Variants in FGFR2 observed in about 807,000 individuals in gnomAD.
The protein encoded by FGFR2 is BEK fibroblast growth factor receptor.
A neutral mutation model predicts 95.9 loss-of-function variants in FGFR2; 19 were observed. The observed-to-expected ratio is 0.20, with a 90% CI of 0.14 to 0.29. The LOEUF (loss-of-function observed/expected upper bound fraction) is 0.29. FGFR2 is among the 10% of genes least tolerant of loss of function. FGFR2 has a pLI of 1.00. For synonymous variants in FGFR2, 392 were observed against 393.3 expected (o/e 1.00, Z 0.04); for missense variants, 707 against 1,056.9 (o/e 0.67, Z 4.59).
In FGFR2 at chr10:121,496,524, A is replaced by G; in HGVS notation, c.1863+8T>C. On this transcript the variant is annotated splice_region_variant and intron_variant, in intron 13 of 17. Coordinates refer to ENST00000358487, the MANE Select transcript of FGFR2 (RefSeq NM_000141.5). ...TCCACCCAGCCAAGTAGAATGTGAA[A>G]GACTCACTTTTTGGGAAGCCAAGTA... 6.2e-7 allele frequency: 1 copy of G among 1,614,102 alleles called. No individual in the cohort carries two copies. Among genetic ancestry groups the G allele is most frequent in the Non-Finnish European group, 8.5e-7 (1 of 1,179,938 alleles).
chr10:121,565,842 C>T (rs1317541511), intron 2 of FGFR2, 138 bp from the exon 3 acceptor site: 23 of 963,638 alleles, frequency 2.4e-5, no homozygotes, highest in South Asian at 4.3e-5. Flanking sequence ...AGCAGGCATC[C>T]ACCTCTCCCC....
Position 121,485,502 on chromosome 10 carries a change from G to T in FGFR2, c.2088C>A (p.Ile696=). The change falls in exon 16 of 18, where the codon ATC becomes ATA. Residue 696 remains isoleucine (I), a synonymous_variant. Transcript: ENST00000358487. This position sits in a 1 kb window ranked among gnomAD's most constrained non-coding sequence, Gnocchi z 4.2. ...VWSFGVLMWE[I]FTLGGSPYPG... ...GGTAGGGCGAGCCCCCTAAAGTGAAGATCTCCCACATTAACACCCCGAAGG... is the reference window on the plus strand; with the variant it reads ...GGTAGGGCGAGCCCCCTAAAGTGAATATCTCCCACATTAACACCCCGAAGG... 6.2e-7 allele frequency: 1 copy of T among 1,613,998 alleles called. No homozygotes were observed. The highest frequency in any genetic ancestry group is 8.5e-7 in the Non-Finnish European group (1 of 1,180,020).
In FGFR2 at chr10:121,515,154, T is replaced by C. The variant is rs1355130739; in HGVS notation, c.1250A>G (p.Lys417Arg). 2 of 1,614,226 alleles carry C rather than the reference T, an allele frequency of 1.2e-6. No homozygotes were observed. Among genetic ancestry groups the C allele is most frequent in the Non-Finnish European group, 1.7e-6 (2 of 1,180,038 alleles). Residue 417 changes from lysine (K) to arginine (R), a missense_variant, in exon 9 of 18, where the codon AAG becomes AGG. Around this residue, in one of 7 missense-constraint regions of FGFR2, gnomAD observed 194 missense variants for 267.3 expected, o/e 0.73. Transcript: ENST00000358487. ...CCGCAGGGGGATACGTTTGGTCAGC[T>C]TGTGCACAGCCGGCTGGCTGCTGAA... Reference protein sequence around the residue: ...PDFSSQPAVHKLTKRIPLRRQ... With the variant: ...PDFSSQPAVHRLTKRIPLRRQ...
intron 17 of FGFR2, 100 bp downstream of exon 17, chr10:121,483,598 A>C: frequency 1.2e-6 from 1 of 830,540 alleles, no homozygotes; most frequent in African/African-American, 1.7e-5. Flanking sequence ...ACAAGACCAC[A>C]GACTCCAACC....
intron 13 of FGFR2, among the ~76,000 whole-genome samples, chr10:121,491,961 T>C (rs902410430): frequency 1.3e-5 from 2 of 151,326 alleles, no homozygotes; most frequent in Non-Finnish European, 1.5e-5. Flanking sequence ...GGCAGATCAC[T>C]TGAGGTCAGG....
At chr10:121,554,378 G>A (rs1276201621) in intron 4 of FGFR2, among the ~76,000 whole-genome samples, 2 of 146,086 alleles carry the variant, frequency 1.4e-5, no homozygotes, top group African/African-American at 5.1e-5. Context: ...TTGCTCTGTT[G>A]CCCAGGCTGG....
intron 15 of FGFR2, 70 bp downstream of exon 15, chr10:121,487,284 A>C: frequency 8.1e-7 from 1 of 1,237,690 alleles, no homozygotes; most frequent in Non-Finnish European, 1.2e-6. Context: ...AGAAGGAAGA[A>C]AGGTGAAGTA....
At chr10:121,565,901 C>T (rs1857607524) in intron 2 of FGFR2, 197 bp from the exon 3 acceptor site, 1 of 636,724 alleles carries the variant, frequency 1.6e-6, no homozygotes, top group Non-Finnish European at 2.8e-6. Context: ...AGAGGATACC[C>T]CCAGAAAATC....
intron 5 of FGFR2, among the ~76,000 whole-genome samples, chr10:121,545,745 A>T (rs1854405703): frequency 6.6e-6 from 1 of 152,226 alleles, no homozygotes; most frequent in South Asian, 2.1e-4. Flanking sequence ...TAAGTAACTA[A>T]CCTAGAAAAT....
intron 2 of FGFR2, among the ~76,000 whole-genome samples, chr10:121,587,147 G>A (rs906164713): frequency 1.3e-5 from 2 of 152,142 alleles, no homozygotes; most frequent in Non-Finnish European, 2.9e-5. Flanking sequence ...ATGAAAACAA[G>A]CAATGGGGAA....
At chr10:121,501,440 AT>A in intron 10 of FGFR2, among the ~76,000 whole-genome samples, 1 of 152,234 alleles carries the variant, frequency 6.6e-6, no homozygotes, top group East Asian at 1.9e-4. Flanking sequence ...GGAATCTCTA[AT>A]TTTTTACTAA....
chr10:121,534,091 CTTTTTTTTTTTTTT>C (rs1022674124), intron 6 of FGFR2, among the ~76,000 whole-genome samples: 2 of 92,118 alleles, frequency 2.2e-5, no homozygotes, highest in African/African-American at 4.7e-5. Context: ...CCCAAAATGG[CTTTTTTTTTTTTTT>C]TTTTTTTTTT....
Position 121,496,550 on chromosome 10 carries a change from C to A in FGFR2, c.1845G>T (p.Glu615Asp). 6.2e-7 allele frequency: 1 copy of A among 1,614,162 alleles called. No individual in the cohort carries two copies. The highest frequency in any genetic ancestry group is 8.5e-7 in the Non-Finnish European group (1 of 1,180,032). ...GACTCACTTTTTGGGAAGCCAAGTA[C>A]TCCATGCCTCTGGCCAGCTGGTAGG... ...SCTYQLARGM[E>D]YLASQKCIHR... The change falls in exon 13 of 18, where the codon GAG becomes GAT. Residue 615 changes from glutamate (E) to aspartate (D), a missense_variant. Around this residue, in one of 7 missense-constraint regions of FGFR2, gnomAD observed 104 missense variants for 214.2 expected, o/e 0.49. Transcript: ENST00000358487.
At chr10:121,590,979 G>A (rs984185896) in intron 2 of FGFR2, among the ~76,000 whole-genome samples, 3 of 151,178 alleles carry the variant, frequency 2.0e-5, no homozygotes, top group Non-Finnish European at 4.4e-5. Context: ...ACGCACGCAC[G>A]CGCACTCGCG....
At position 121,498,623 on chromosome 10, in the gene FGFR2, A is replaced by T. The variant is rs1165947218; in HGVS notation, c.1562-18T>A. On this transcript the variant is annotated intron_variant, in intron 11 of 17. Transcript: ENST00000358487. ...GGCATCATCTATGAACAGTAGGCAT[A>T]TTCACAAATCAGTTCATTTCCTCTA... 6.2e-7 allele frequency: 1 copy of T among 1,609,180 alleles called. No individual in the cohort carries two copies. Among genetic ancestry groups the T allele is most frequent in the Non-Finnish European group, 8.5e-7 (1 of 1,175,476 alleles).
At chr10:121,573,275 A>G (rs1370364710) in intron 2 of FGFR2, among the ~76,000 whole-genome samples, 2 of 152,228 alleles carry the variant, frequency 1.3e-5, no homozygotes, top group East Asian at 1.9e-4. Context: ...GTTAAGGAAG[A>G]AAAAAGCAGT....
At chr10:121,547,507 A>G (rs778735755) in intron 5 of FGFR2, among the ~76,000 whole-genome samples, 3 of 149,124 alleles carry the variant, frequency 2.0e-5, no homozygotes, top group Non-Finnish European at 4.4e-5. Flanking sequence ...CGATCCTCCC[A>G]CCTCAGCTGC....
Position 121,568,317 on chromosome 10 carries a change from T to C in FGFR2, c.110-2613A>G, listed in dbSNP as rs116726276. On this transcript the variant is annotated intron_variant, in intron 2 of 17. Transcript: ENST00000358487. ...TGAGTCCCAGGTCTCCAACAACTCA[T>C]TGCTGAAACAGCACCCACCATGTTA... Among the ~76,000 whole-genome samples the C allele has an allele frequency of 2.0e-3, 302 of 152,292 alleles. 2 individuals carry two copies. The highest frequency in any genetic ancestry group is 7.1e-3 in the African/African-American group (296 of 41,554).
intron 2 of FGFR2, among the ~76,000 whole-genome samples, chr10:121,579,878 G>A (rs1343683703): frequency 1.3e-5 from 2 of 152,180 alleles, no homozygotes; most frequent in Non-Finnish European, 2.9e-5. Context: ...CCTAAAGCCT[G>A]ACTCATTCCA....
Sources: allele counts gnomAD v4.1 joint callset (sites outside exome capture counted in the v4.1 genomes callset), GRCh38; gene constraint gnomAD v4.1.1; regional missense constraint gnomAD v4.1.1; non-coding constraint Gnocchi (gnomAD v3.1); transcripts MANE v1.5; gene names NCBI Gene and HGNC (gene_info 2026-07-23, HGNC 2026-07-21).